LRRC4C: variants seen among roughly 807,000 people sequenced by gnomAD.
LRRC4C encodes leucine rich repeat containing 4C, also known as leucine-rich repeat-containing protein 4C.
Under a neutral mutation model 33.6 loss-of-function variants are expected in LRRC4C, and 5 were observed. The observed-to-expected ratio is 0.15, with a 90% CI of 0.08 to 0.31. The LOEUF (loss-of-function observed/expected upper bound fraction) is 0.31, where lower values mean the gene tolerates loss of function less well. Ranked by LOEUF, LRRC4C falls within the 10% of genes least tolerant of loss-of-function variation. The pLI is 1.00. For missense variants in LRRC4C, 560 were observed against 796.7 expected, an observed-to-expected ratio of 0.70 and a Z score of 3.58; for synonymous variants, 329 against 302.0, an observed-to-expected ratio of 1.09 and a Z score of -0.93.
At chr11:40,519,965 T>C (rs909776126) in intron 3 of LRRC4C, among the ~76,000 whole-genome samples, 3 of 152,148 alleles carry the variant, frequency 2.0e-5, no homozygotes, top group African/African-American at 7.2e-5. Context: ...GGAAATGCCA[T>C]CTAGGACTTT....
chr11:40,833,105 G>A (rs550083187), intron 2 of LRRC4C, among the ~76,000 whole-genome samples: 62 of 152,238 alleles, frequency 4.1e-4, no homozygotes, highest in Non-Finnish European at 5.7e-4. Flanking sequence ...TGGTTATAAT[G>A]TTAGCTAATA....
At chr11:41,102,941 A>T (rs997705631) in intron 1 of LRRC4C, among the ~76,000 whole-genome samples, 2 of 151,956 alleles carry the variant, frequency 1.3e-5, no homozygotes, top group African/African-American at 4.8e-5. Flanking sequence ...TATAACTGGA[A>T]ATCTGCAGAA....
chr11:40,494,661 T>C (rs1954336426), intron 3 of LRRC4C, among the ~76,000 whole-genome samples: 1 of 152,136 alleles, frequency 6.6e-6, no homozygotes, highest in Non-Finnish European at 1.5e-5. Flanking sequence ...TGGTAAATCA[T>C]ATGCCCTGGT....
intron 2 of LRRC4C, among the ~76,000 whole-genome samples, chr11:40,861,349 C>G (rs1453150903): frequency 1.3e-5 from 2 of 152,058 alleles, no homozygotes; most frequent in Non-Finnish European, 2.9e-5. Context: ...GAAACATGAG[C>G]CTGGAAGGAG....
rs1237350739 is a variant in LRRC4C, at chr11:41,118,149, C to A, written c.-495-184426G>T. Among the ~76,000 whole-genome samples, 3 of 152,088 alleles carry A rather than the reference C, an allele frequency of 2.0e-5. No homozygotes were observed. In the East Asian group the frequency reaches 5.8e-4, roughly 29 times the overall value. ...AAACCTAAAGAATTGTATAGAAATT[C>A]CAAAGGGATGTCCTTGGAAATTCAC... On this transcript the variant is annotated intron_variant, in intron 1 of 6. Transcript: ENST00000528697.
intron 1 of LRRC4C, among the ~76,000 whole-genome samples, chr11:40,992,989 G>C (rs183541625): frequency 2.6e-5 from 4 of 152,228 alleles, no homozygotes; most frequent in Admixed American, 1.3e-4. Flanking sequence ...ACAATTTTCT[G>C]TCCTAACTGC....
At chr11:40,335,477 C>T (rs951415762) in intron 3 of LRRC4C, among the ~76,000 whole-genome samples, 1 of 152,132 alleles carries the variant, frequency 6.6e-6, no homozygotes, top group Non-Finnish European at 1.5e-5. Flanking sequence ...AGAATTAAGA[C>T]ATTTAATAAA....
chr11:40,299,932 C>T (rs1944689073), intron 4 of LRRC4C, among the ~76,000 whole-genome samples: 1 of 152,162 alleles, frequency 6.6e-6, no homozygotes, highest in South Asian at 2.1e-4. Flanking sequence ...TTAGGCTGTC[C>T]TTGCATTGCT....
intron 2 of LRRC4C, among the ~76,000 whole-genome samples, chr11:40,833,804 GTGT>G (rs1317441220): frequency 2.0e-5 from 3 of 152,098 alleles, no homozygotes; most frequent in Non-Finnish European, 4.4e-5. Context: ...TTGTGGATAA[GTGT>G]TGTGCATAAA....
At chr11:40,441,589 G>C (rs1433132161) in intron 3 of LRRC4C, among the ~76,000 whole-genome samples, 1 of 152,178 alleles carries the variant, frequency 6.6e-6, no homozygotes, top group Non-Finnish European at 1.5e-5. Flanking sequence ...TTTCTGGAGA[G>C]TTGAAATGTT....
chr11:40,550,971 A>C (rs1440783315), intron 3 of LRRC4C, among the ~76,000 whole-genome samples: 1 of 152,128 alleles, frequency 6.6e-6, no homozygotes, highest in Non-Finnish European at 1.5e-5. Flanking sequence ...GCAAGAAGAA[A>C]TAAGCCTTCA....
chr11:40,927,987 T>G (rs2136431843), intron 2 of LRRC4C, among the ~76,000 whole-genome samples: 1 of 152,256 alleles, frequency 6.6e-6, no homozygotes, highest in Admixed American at 6.5e-5. Context: ...AAAGTTTTTT[T>G]TAAGTAGATC....
At chr11:40,632,053 T>A (rs1297753478) in intron 3 of LRRC4C, among the ~76,000 whole-genome samples, 1 of 152,186 alleles carries the variant, frequency 6.6e-6, no homozygotes, top group African/African-American at 2.4e-5. Context: ...TGGCCAAGGT[T>A]ATGTGGTTTA....
intron 2 of LRRC4C, among the ~76,000 whole-genome samples, chr11:40,790,025 T>C (rs529680968): frequency 2.5e-3 from 380 of 152,302 alleles, no homozygotes; most frequent in Non-Finnish European, 4.1e-3. Context: ...ACAGGCAGGA[T>C]TCACTTGAAA....
At chr11:40,912,221 A>G (rs1387937615) in intron 2 of LRRC4C, among the ~76,000 whole-genome samples, 1 of 152,132 alleles carries the variant, frequency 6.6e-6, no homozygotes, top group Non-Finnish European at 1.5e-5. Flanking sequence ...CCTTGAGAAG[A>G]GCAACTCCAA....
chr11:40,212,300 C>A (rs78768713), intron 5 of LRRC4C, among the ~76,000 whole-genome samples: 2 of 152,014 alleles, frequency 1.3e-5, no homozygotes, highest in Non-Finnish European at 2.9e-5. Flanking sequence ...CTAAGTCCTG[C>A]ATAAATATTA....
At chr11:41,256,697 C>A (rs1267653826) in intron 1 of LRRC4C, among the ~76,000 whole-genome samples, 5 of 151,976 alleles carry the variant, frequency 3.3e-5, no homozygotes, top group Non-Finnish European at 7.4e-5. Context: ...TCATATCATG[C>A]GTGTTGTCTT....
At chr11:40,323,181 T>C (rs1160059607) in intron 3 of LRRC4C, among the ~76,000 whole-genome samples, 5 of 152,200 alleles carry the variant, frequency 3.3e-5, no homozygotes, top group African/African-American at 9.7e-5. Flanking sequence ...CTAAACGTTG[T>C]AACTAAAACA....
intron 1 of LRRC4C, among the ~76,000 whole-genome samples, chr11:41,458,974 G>C (rs1220131541): frequency 6.6e-6 from 1 of 152,008 alleles, no homozygotes; most frequent in African/African-American, 2.4e-5. Context: ...GCTATGGGGA[G>C]GGGGAAGTCT....
Sources: gnomAD v4.1 joint callset for allele counts (sites outside exome capture counted in the v4.1 genomes callset) on GRCh38, gnomAD v4.1.1 for gene constraint, MANE v1.5 for transcripts, NCBI Gene and HGNC (gene_info 2026-07-23, HGNC 2026-07-21) for gene names.